Variants in SEPTIN11 observed in about 807,000 individuals in gnomAD.
SEPTIN11 encodes the protein septin 11, also known as septin-11.
Under a neutral mutation model 51.4 loss-of-function variants are expected in SEPTIN11, and 25 were observed. That is an observed-to-expected ratio of 0.49 (90% CI 0.35 to 0.68). The LOEUF is 0.68. Among genes scored for constraint, SEPTIN11 ranks in the 30% least tolerant of loss-of-function variants. The pLI is 0.00. For missense variants in SEPTIN11, 381 were observed against 520.8 expected (o/e 0.73, Z 2.61); for synonymous variants, 174 against 184.1 (o/e 0.95, Z 0.44).
rs192344275 is a variant in SEPTIN11, at chr4:77,015,472, C to T, written c.687+455C>T. Among the ~76,000 whole-genome samples the T allele has an allele frequency of 2.6e-3, 397 of 152,262 alleles. 1 individual carries two copies. The highest frequency in any genetic ancestry group is 9.0e-3 in the African/African-American group (375 of 41,562). On this transcript the variant is annotated intron_variant, in intron 5 of 9. Coordinates refer to ENST00000264893, the MANE Select transcript of SEPTIN11 (RefSeq NM_018243.4). ...AAACTGGCAGTTGAGGATACAATTT[C>T]CACATCACAGAGAGGAACTAGTCAG...
At chr4:76,968,760 G>T (rs1383054097) in intron 1 of SEPTIN11, among the ~76,000 whole-genome samples, 7 of 152,174 alleles carry the variant, frequency 4.6e-5, no homozygotes, top group Admixed American at 2.6e-4. Context: ...TCCTAGTAGT[G>T]GGTTGAACCA....
intron 1 of SEPTIN11, among the ~76,000 whole-genome samples, chr4:76,957,676 G>A (rs1295494834): frequency 6.6e-6 from 1 of 151,928 alleles, no homozygotes; most frequent in Admixed American, 6.6e-5. Context: ...ACCCCAGTGG[G>A]AACTGAGCAA....
chr4:76,968,315 G>A (rs1187344705), intron 1 of SEPTIN11, among the ~76,000 whole-genome samples: 1 of 152,120 alleles, frequency 6.6e-6, no homozygotes, highest in Non-Finnish European at 1.5e-5. Context: ...CTGAGGCCTG[G>A]GGAATTGAGG....
intron 4 of SEPTIN11, 130 bp from the exon 5 acceptor site, chr4:77,014,726 G>T: frequency 2.3e-6 from 2 of 869,854 alleles, no homozygotes; most frequent in Non-Finnish European, 3.5e-6. Context: ...GAGATGTTTT[G>T]ATATAAGTAG....
rs139520611 is a variant in SEPTIN11, at chr4:77,010,292, C to T, written c.339-1443C>T. On this transcript the variant is annotated intron_variant, in intron 3 of 9. Coordinates refer to ENST00000264893, the MANE Select transcript of SEPTIN11 (RefSeq NM_018243.4). The stretch of plus-strand genomic sequence containing the variant: ...TTTAGGCTTGAATCCATGTTTCTAA[C>T]CACCATCCTCTATAACTATCTCATT... Among the ~76,000 whole-genome samples, 821 of 152,146 alleles carry T rather than the reference C, an allele frequency of 5.4e-3. 3 individuals are homozygous for T. The highest frequency in any genetic ancestry group is 7.4e-3 in the Non-Finnish European group (501 of 68,002).
chr4:77,031,021 C>T, intron 9 of SEPTIN11, 51 bp downstream of exon 9: 2 of 1,493,642 alleles, frequency 1.3e-6, no homozygotes, highest in Non-Finnish European at 1.8e-6. Flanking sequence ...ATTTATTCCT[C>T]TTGCATGTCT....
chr4:76,996,563 C>T (rs748348766), intron 2 of SEPTIN11, 24 bp downstream of exon 2: 2 of 1,513,556 alleles, frequency 1.3e-6, no homozygotes, highest in Non-Finnish European at 9.2e-7. Context: ...CACCCCACAG[C>T]AAGAAATTTG....
chr4:76,975,482 T>A (rs528338325), intron 1 of SEPTIN11, among the ~76,000 whole-genome samples: 1 of 152,322 alleles, frequency 6.6e-6, no homozygotes, highest in African/African-American at 2.4e-5. Flanking sequence ...AATAAACTTA[T>A]TACATGTTAA....
At chr4:77,030,553 C>T (rs984625088) in intron 8 of SEPTIN11, among the ~76,000 whole-genome samples, 4 of 151,992 alleles carry the variant, frequency 2.6e-5, no homozygotes, top group Non-Finnish European at 5.9e-5. Flanking sequence ...CCCGCCACCA[C>T]GCCTGGCTAA....
At chr4:77,039,718 T>C (rs893131610), downstream of SEPTIN11, 6 of 985,294 alleles carry the variant, frequency 6.1e-6, no homozygotes, top group Non-Finnish European at 7.2e-6. Context: ...GAGTGTTCTA[T>C]TGATACAATG....
intron 2 of SEPTIN11, among the ~76,000 whole-genome samples, chr4:77,001,389 G>A (rs890320666): frequency 2.7e-5 from 4 of 149,730 alleles, no homozygotes; most frequent in South Asian, 4.2e-4. Flanking sequence ...TCACTCTGTC[G>A]CCCAGGCTGG....
At chr4:77,016,655 T>TATATATATATATACAC (rs1553975019) in intron 5 of SEPTIN11, among the ~76,000 whole-genome samples, 1 of 109,024 alleles carries the variant, frequency 9.2e-6, no homozygotes, top group African/African-American at 3.3e-5. Context: ...TATATATATA[T>TATATATATATATACAC]ACACATATAT....
At chr4:76,970,616 T>G (rs1722200027) in intron 1 of SEPTIN11, among the ~76,000 whole-genome samples, 1 of 152,240 alleles carries the variant, frequency 6.6e-6, no homozygotes, top group Non-Finnish European at 1.5e-5. Context: ...CTTAAGATTT[T>G]AATTTTCATT....
intron 1 of SEPTIN11, among the ~76,000 whole-genome samples, chr4:76,986,830 CTT>C (rs1356833491): frequency 6.6e-6 from 1 of 152,080 alleles, no homozygotes; most frequent in Non-Finnish European, 1.5e-5. Context: ...TTTTAAAAAT[CTT>C]ATATATTTTC....
Position 77,035,561 on chromosome 4 carries a change from A to G in SEPTIN11, c.*1049A>G. On this transcript the variant is annotated 3_prime_UTR_variant, in exon 10 of 10. Transcript: ENST00000264893. ...TTTTAAGGTGGAAATAGGAAGGACCACAACATGACCCGTAAGTCAAGAAGG... is the reference window on the plus strand; with the variant it reads ...TTTTAAGGTGGAAATAGGAAGGACCGCAACATGACCCGTAAGTCAAGAAGG... 1 of 985,472 alleles carries G rather than the reference A, an allele frequency of 1.0e-6. No individual in the cohort carries two copies. The highest frequency in any genetic ancestry group is 1.2e-6 in the Non-Finnish European group (1 of 829,924). The allele number at this position is 985,472 out of a possible 1,614,324, so 61.0% of individuals were successfully genotyped here.
At chr4:76,979,032 G>C (rs2109912498) in intron 1 of SEPTIN11, among the ~76,000 whole-genome samples, 1 of 152,312 alleles carries the variant, frequency 6.6e-6, no homozygotes. Context: ...GTTTTTGGTT[G>C]GGGAAGTCAG....
chr4:76,991,544 G>A (rs932162645), intron 1 of SEPTIN11, among the ~76,000 whole-genome samples: 7 of 151,626 alleles, frequency 4.6e-5, no homozygotes, highest in East Asian at 1.9e-4. Flanking sequence ...TACACTTCAG[G>A]TATACATTCA....
At chr4:76,957,847 G>C (rs778393428) in intron 1 of SEPTIN11, among the ~76,000 whole-genome samples, 1 of 152,130 alleles carries the variant, frequency 6.6e-6, no homozygotes, top group Non-Finnish European at 1.5e-5. Context: ...CAACACTTAT[G>C]TGTCATCCAC....
At chr4:77,008,367 C>T (rs767780382) in intron 3 of SEPTIN11, among the ~76,000 whole-genome samples, 17 of 152,160 alleles carry the variant, frequency 1.1e-4, no homozygotes, top group East Asian at 1.9e-4. Flanking sequence ...TCCCCTGAGA[C>T]GGAATTTCAA....
Sources: allele counts gnomAD v4.1 joint callset (sites outside exome capture counted in the v4.1 genomes callset), GRCh38; gene constraint gnomAD v4.1.1; transcripts MANE v1.5; gene names NCBI Gene and HGNC (gene_info 2026-07-23, HGNC 2026-07-21).